The following PACS2 variants were observed in gnomAD, a reference collection of about 807,000 sequenced individuals.
The protein encoded by PACS2 is PACS1-like protein.
A neutral mutation model predicts 113.0 loss-of-function variants in PACS2; 36 were observed. The observed-to-expected ratio is 0.32, with a 90% CI of 0.24 to 0.42. PACS2 has a LOEUF of 0.42. Ranked by LOEUF, PACS2 falls within the 10% of genes least tolerant of loss-of-function variation. The pLI is 1.00. For synonymous variants in PACS2, 589 were observed against 536.1 expected (o/e 1.10, Z -1.36); for missense variants, 1,015 against 1,239.5 (o/e 0.82, Z 2.72).
intron 4 of PACS2, among the ~76,000 whole-genome samples, chr14:105,362,988 A>T (rs2060790244): frequency 6.6e-6 from 1 of 152,156 alleles, no homozygotes. Context: ...AGGTCATGTC[A>T]ATGAGCAGTC....
In PACS2 at chr14:105,324,057, G is replaced by A. The variant is rs377713665; in HGVS notation, c.119+9020G>A. On this transcript the variant is annotated intron_variant, in intron 1 of 24. Transcript: ENST00000447393. The surrounding 1 kb of genome is among the most constrained non-coding windows in gnomAD (Gnocchi z 4.7). The stretch of plus-strand genomic sequence containing the variant: ...GCTGGGGACTGGCTTTTGTGCAGGA[G>A]ATGGAGGGCAGGGGGCTACAGTGCC... 5.3e-5 allele frequency among the ~76,000 whole-genome samples: 8 copies of A among 152,252 alleles called. No homozygotes were observed. Among genetic ancestry groups the A allele is most frequent in the African/African-American group, 1.9e-4 (8 of 41,468 alleles).
At chr14:105,325,470 G>A (rs771522786) in intron 1 of PACS2, among the ~76,000 whole-genome samples, 11 of 152,158 alleles carry the variant, frequency 7.2e-5, no homozygotes, top group Non-Finnish European at 1.5e-4. Context: ...TGGTCAGCTC[G>A]CTCGGTGCAA....
chr14:105,334,291 C>T (rs1229099280), intron 1 of PACS2, among the ~76,000 whole-genome samples: 1 of 152,246 alleles, frequency 6.6e-6, no homozygotes, highest in Non-Finnish European at 1.5e-5. Context: ...GGCCACAGAC[C>T]CCACCTGACT....
intron 1 of PACS2, among the ~76,000 whole-genome samples, chr14:105,318,477 CAG>C (rs894396086): frequency 2.4e-4 from 37 of 152,130 alleles, no homozygotes; most frequent in African/African-American, 8.0e-4. Context: ...TTTTTTGAGA[CAG>C]AGTCTCACTC....
chr14:105,386,688 G>T (rs1258189687), intron 19 of PACS2, among the ~76,000 whole-genome samples: 1 of 152,078 alleles, frequency 6.6e-6, no homozygotes, highest in Non-Finnish European at 1.5e-5. Flanking sequence ...GTGCAGGGTA[G>T]TTGGGTCCCT....
upstream of PACS2, among the ~76,000 whole-genome samples, chr14:105,313,830 G>A (rs902602366): frequency 6.6e-6 from 1 of 152,248 alleles, no homozygotes; most frequent in East Asian, 1.9e-4. Context: ...GACCACAGCC[G>A]CTGCCAAACA....
chr14:105,392,383 C>G (rs1286721109), intron 22 of PACS2: 2 of 559,742 alleles, frequency 3.6e-6, no homozygotes, highest in South Asian at 2.1e-5. Flanking sequence ...GGTGGACAGG[C>G]CTCCCAGGCC....
At chr14:105,320,864 C>G (rs146130700) in intron 1 of PACS2, among the ~76,000 whole-genome samples, 7 of 152,232 alleles carry the variant, frequency 4.6e-5, no homozygotes, top group Admixed American at 6.5e-5. Context: ...TATAAAATAA[C>G]CTGACTGGCC....
intron 4 of PACS2, among the ~76,000 whole-genome samples, chr14:105,360,026 T>C (rs1262716623): frequency 6.6e-6 from 1 of 152,244 alleles, no homozygotes; most frequent in Non-Finnish European, 1.5e-5. Flanking sequence ...TTTACAGGTC[T>C]GTGGCCTAGG....
At chr14:105,364,300 TGGTGGGCGTCCCGGGTGCGC>T (rs1316506095) in intron 4 of PACS2, among the ~76,000 whole-genome samples, 1 of 123,900 alleles carries the variant, frequency 8.1e-6, no homozygotes, top group Non-Finnish European at 1.7e-5. Flanking sequence ...CCTGCGGGTG[TGGTGGGCGTCCCGGGTGCGC>T]GGTGGGCGGC....
At chr14:105,363,443 T>G (rs1196550632) in intron 4 of PACS2, among the ~76,000 whole-genome samples, 9 of 152,202 alleles carry the variant, frequency 5.9e-5, no homozygotes, top group Middle Eastern at 3.2e-3. Flanking sequence ...CACCTTGCAT[T>G]TCTGTTATGG....
chr14:105,354,865 A>G lies in PACS2; in HGVS notation c.298-187A>G, dbSNP rs112471897. On this transcript the variant is annotated intron_variant, in intron 3 of 24. Coordinates refer to ENST00000447393, the MANE Select transcript of PACS2 (RefSeq NM_001100913.3). This position sits in a 1 kb window ranked among gnomAD's most constrained non-coding sequence, Gnocchi z 4.2. ...GCTCACTCTTGATTGTGTTGGGTAA[A>G]GGATGGGCTCTGGGGACCGGCATGC... is the stretch of plus-strand genomic sequence containing the variant. Among the ~76,000 whole-genome samples the G allele has an allele frequency of 5.3e-4, 81 of 152,302 alleles. 3 individuals are homozygous for G. Among genetic ancestry groups the G allele is most frequent in the African/African-American group, 1.9e-3 (80 of 41,574 alleles).
At chr14:105,321,978 C>T (rs930708857) in intron 1 of PACS2, among the ~76,000 whole-genome samples, 17 of 150,980 alleles carry the variant, frequency 1.1e-4, no homozygotes, top group African/African-American at 2.7e-4. Flanking sequence ...CTCGCTGTGT[C>T]GCCAGGCTGG....
chr14:105,363,523 G>A (rs587710489), intron 4 of PACS2, among the ~76,000 whole-genome samples: 2 of 152,184 alleles, frequency 1.3e-5, no homozygotes, highest in African/African-American at 4.8e-5. Flanking sequence ...CAGCCTCCTC[G>A]CCTCTCTCAG....
chr14:105,348,706 T>G lies in PACS2; in HGVS notation c.207+126T>G. On this transcript the variant is annotated intron_variant, in intron 2 of 24. Transcript: ENST00000447393. The surrounding 1 kb of genome is among the most constrained non-coding windows in gnomAD (Gnocchi z 6.4). ...AAAACAGCGGGCAGCCCATGCCATC[T>G]CCGGGAGCCCGGGGGGCTGGGAATG... 1 of 730,104 alleles carries G rather than the reference T, an allele frequency of 1.4e-6. No homozygotes were observed. The highest frequency in any genetic ancestry group is 2.6e-5 in the East Asian group (1 of 37,928). The allele number at this position is 730,104 out of a possible 1,614,324, so 45.2% of individuals were successfully genotyped here.
At chr14:105,347,228 T>C (rs587614030) in intron 1 of PACS2, among the ~76,000 whole-genome samples, 5 of 150,848 alleles carry the variant, frequency 3.3e-5, no homozygotes, top group African/African-American at 1.2e-4. Flanking sequence ...ATTTTACAAA[T>C]GGGTTGACAG....
chr14:105,305,665 C>G (rs2058166000), intron 1 of PACS2, among the ~76,000 whole-genome samples: 1 of 152,200 alleles, frequency 6.6e-6, no homozygotes, highest in South Asian at 2.1e-4. Flanking sequence ...AAGAATGGAG[C>G]CAGGTTAGAG....
rs1184077170 is a variant in PACS2 at position 105,317,010 on chromosome 14, G to A, written c.119+1973G>A. Among the ~76,000 whole-genome samples the A allele has an allele frequency of 2.0e-5, 3 of 152,190 alleles. No individual in the cohort carries two copies. The highest frequency in any genetic ancestry group is 2.0e-4 in the Admixed American group (3 of 15,272). On this transcript the variant is annotated intron_variant, in intron 1 of 24. Coordinates refer to ENST00000447393, the MANE Select transcript of PACS2 (RefSeq NM_001100913.3). This position sits in a 1 kb window ranked among gnomAD's most constrained non-coding sequence, Gnocchi z 4.2. The stretch of plus-strand genomic sequence containing the variant: ...TCCTGGAACAGGGCCCCTCATAGGC[G>A]GGCTTGCCCCTAGCTTTGCTTTGTG...
At chr14:105,367,415 G>A (rs2060977958) in intron 5 of PACS2, 40 bp downstream of exon 5, 7 of 1,593,808 alleles carry the variant, frequency 4.4e-6, no homozygotes, top group Non-Finnish European at 6.0e-6. Context: ...CTGCTGTGGG[G>A]AGGCCCTGCC....
Sources: gnomAD v4.1 joint callset for allele counts (sites outside exome capture counted in the v4.1 genomes callset) on GRCh38, gnomAD v4.1.1 for gene constraint, Gnocchi (gnomAD v3.1) non-coding constraint, MANE v1.5 for transcripts, NCBI Gene and HGNC (gene_info 2026-07-23, HGNC 2026-07-21) for gene names.